Variants in BCO1 observed in about 807,000 individuals in gnomAD.
BCO1 encodes beta-carotene oxygenase 1, also known as beta,beta-carotene 15,15'-dioxygenase.
In BCO1, 54 loss-of-function variants were observed where a neutral mutation model predicts 56.3. That is an observed-to-expected ratio of 0.96 (90% CI 0.77 to 1.20). The LOEUF (loss-of-function observed/expected upper bound fraction) is 1.20. Among genes scored for constraint, BCO1 ranks in the 50% most tolerant of loss-of-function variants. The pLI is 0.00. For synonymous variants in BCO1, 318 were observed against 266.1 expected, an observed-to-expected ratio of 1.20 and a Z score of -1.90; for missense variants, 801 against 690.9, an observed-to-expected ratio of 1.16 and a Z score of -1.79.
Position 81,249,458 on chromosome 16 carries a change from G to A in BCO1, c.193+3855G>A, listed in dbSNP as rs552987737. ...TTTTTAGTAGAGACGGGGTTTCACC[G>A]TGTTAGCCAGGATGGTCTTGATCTC... On this transcript the variant is annotated intron_variant, in intron 2 of 10. Coordinates refer to ENST00000258168, the MANE Select transcript of BCO1 (RefSeq NM_017429.3). Among the ~76,000 whole-genome samples the A allele has an allele frequency of 6.6e-4, 101 of 152,150 alleles. No homozygotes were observed. In the South Asian group the frequency reaches 1.0e-2, roughly 15 times the overall value.
In BCO1 at chr16:81,259,778, C is replaced by A. The variant is rs746573315; in HGVS notation, c.296C>A (p.Pro99Gln). Residue 99 changes from proline (P) to glutamine (Q), a missense_variant, in exon 3 of 11, where the codon CCG (proline) becomes CAG (glutamine). Coordinates refer to ENST00000258168, the MANE Select transcript of BCO1 (RefSeq NM_017429.3). ...VVSEFGTMAY[P>Q]DPCKNIFSKA... ...TCTGAGTTTGGAACAATGGCCTATC[C>A]GGACCCCTGCAAAAACATATTTTCC... The A allele has an allele frequency of 3.1e-6, 5 of 1,614,056 alleles. No individual in the cohort carries two copies. The African/African-American group carries it at 5.3e-5, about 17-fold the overall frequency.
chr16:81,285,238 T>C (rs1432441856), intron 8 of BCO1, among the ~76,000 whole-genome samples: 1 of 152,260 alleles, frequency 6.6e-6, no homozygotes, highest in East Asian at 1.9e-4. Flanking sequence ...CAGTAGCCTC[T>C]GATTTTAATC....
At chr16:81,240,923 C>T (rs1215914228) in intron 1 of BCO1, among the ~76,000 whole-genome samples, 3 of 150,586 alleles carry the variant, frequency 2.0e-5, no homozygotes, top group Non-Finnish European at 3.0e-5. Context: ...CAACCTCTGC[C>T]TCCTGGGTTC....
chr16:81,266,469 C>T (rs1906835205), intron 5 of BCO1, among the ~76,000 whole-genome samples: 4 of 152,096 alleles, frequency 2.6e-5, no homozygotes, highest in Admixed American at 2.6e-4. Context: ...TCCCCCATCC[C>T]CCACTGTCTT....
intron 6 of BCO1, among the ~76,000 whole-genome samples, chr16:81,269,029 G>A (rs1226059038): frequency 2.1e-5 from 3 of 140,906 alleles, no homozygotes; most frequent in Non-Finnish European, 4.5e-5. Flanking sequence ...CCCTCCCAAA[G>A]TACTGGGATT....
chr16:81,261,917 A>AT (rs1380750241), intron 3 of BCO1: 1 of 468,808 alleles, frequency 2.1e-6, no homozygotes, highest in Non-Finnish European at 3.9e-6. Flanking sequence ...GATTTTTTGT[A>AT]TTTTTTAGTA....
intron 6 of BCO1, 59 bp from the exon 7 acceptor site, chr16:81,270,100 T>A: frequency 1.2e-6 from 2 of 1,609,374 alleles, no homozygotes; most frequent in Non-Finnish European, 1.7e-6. Context: ...AGCCCCCAGA[T>A]GCCACAGTGC....
intron 7 of BCO1, among the ~76,000 whole-genome samples, chr16:81,274,589 C>T (rs1471386204): frequency 6.6e-6 from 1 of 151,634 alleles, no homozygotes; most frequent in Non-Finnish European, 1.5e-5. Flanking sequence ...CTTTAAAAGC[C>T]ATCAGGTGTT....
At chr16:81,255,458 T>C (rs1239479136) in intron 2 of BCO1, among the ~76,000 whole-genome samples, 1 of 152,214 alleles carries the variant, frequency 6.6e-6, no homozygotes, top group Admixed American at 6.5e-5. Context: ...AGATCTTGCT[T>C]TATTTTGCTA....
intron 1 of BCO1, among the ~76,000 whole-genome samples, chr16:81,242,071 AATTAT>A (rs1403923103): frequency 9.2e-5 from 14 of 151,370 alleles, no homozygotes; most frequent in African/African-American, 2.9e-4. Flanking sequence ...CTAGGGCTTT[AATTAT>A]ATTCTCAGAT....
chr16:81,272,657 A>C (rs150917609), intron 7 of BCO1, among the ~76,000 whole-genome samples: 1 of 152,322 alleles, frequency 6.6e-6, no homozygotes, highest in Non-Finnish European at 1.5e-5. Flanking sequence ...AGAGACTTAC[A>C]AAGGCTTCTG....
chr16:81,250,712 C>G (rs1344382181), intron 2 of BCO1, among the ~76,000 whole-genome samples: 1 of 151,040 alleles, frequency 6.6e-6, no homozygotes, highest in African/African-American at 2.4e-5. Context: ...TCTGGAGTAG[C>G]TAGGATTACA....
intron 2 of BCO1, among the ~76,000 whole-genome samples, chr16:81,245,849 CT>C (rs1176582576): frequency 2.2e-3 from 208 of 93,370 alleles, no homozygotes; most frequent in African/African-American, 7.0e-3. Flanking sequence ...CCATCTCTGT[CT>C]TTTTTTTTTT....
chr16:81,266,395 C>T (rs528169659), intron 5 of BCO1, among the ~76,000 whole-genome samples: 10 of 152,282 alleles, frequency 6.6e-5, no homozygotes, highest in African/African-American at 2.2e-4. Context: ...TGCAGAACTA[C>T]AACGGTGCTT....
chr16:81,255,609 C>G (rs1906084939), intron 2 of BCO1, among the ~76,000 whole-genome samples: 1 of 150,384 alleles, frequency 6.6e-6, no homozygotes, highest in Non-Finnish European at 1.5e-5. Context: ...GAGCGATTCT[C>G]CTGCCTCAGC....
At chr16:81,284,059 G>C (rs561511614) in intron 8 of BCO1, among the ~76,000 whole-genome samples, 39 of 151,512 alleles carry the variant, frequency 2.6e-4, no homozygotes, top group African/African-American at 9.2e-4. Flanking sequence ...CGGATGTGGT[G>C]GCACGCACCT....
intron 7 of BCO1, 68 bp from the exon 8 acceptor site, chr16:81,280,789 C>T: frequency 6.1e-6 from 7 of 1,150,190 alleles, no homozygotes; most frequent in Non-Finnish European, 9.1e-6. Flanking sequence ...AAAATATATA[C>T]ACTAAAGCAA....
intron 7 of BCO1, among the ~76,000 whole-genome samples, chr16:81,277,367 C>G (rs1425662597): frequency 6.6e-6 from 1 of 152,170 alleles, no homozygotes; most frequent in Admixed American, 6.5e-5. Context: ...GAGAAAGTAA[C>G]TTGCCCAACT....
At chr16:81,249,883 G>T (rs1309858934) in intron 2 of BCO1, among the ~76,000 whole-genome samples, 1 of 152,188 alleles carries the variant, frequency 6.6e-6, no homozygotes, top group African/African-American at 2.4e-5. Context: ...AAGGCCCAGA[G>T]TGCGGGGAGC....
Sources: allele counts gnomAD v4.1 joint callset (sites outside exome capture counted in the v4.1 genomes callset), GRCh38; gene constraint gnomAD v4.1.1; transcripts MANE v1.5; gene names NCBI Gene and HGNC (gene_info 2026-07-23, HGNC 2026-07-21).